The following VPS13D variants were observed in gnomAD, a reference collection of about 807,000 sequenced individuals.
VPS13D encodes the protein vacuolar protein sorting 13 homolog D.
Under a neutral mutation model 461.9 loss-of-function variants are expected in VPS13D, and 187 were observed. The observed-to-expected ratio is 0.40, with a 90% CI of 0.36 to 0.46. VPS13D has a LOEUF of 0.46. Ranked by LOEUF, VPS13D falls within the 20% of genes least tolerant of loss-of-function variation. The pLI is 0.60. For synonymous variants in VPS13D, 1,951 were observed against 1,986.3 expected, an observed-to-expected ratio of 0.98 and a Z score of 0.47; for missense variants, 4,711 against 5,364.9, an observed-to-expected ratio of 0.88 and a Z score of 3.81.
rs1309660154 is a variant in VPS13D, at chr1:12,400,282, C to A, written c.11736C>A (p.Val3912=). The stretch of plus-strand genomic sequence containing the variant: ...TCGAGACCGGCCCAGCTGTGCAAGT[C>A]AACGCAGTGAAGTTCCCCAGTAAGA... ...EVIETGPAVQ[V]NAVKFPSKSA... is the part of the protein sequence containing the mutation. The change falls in exon 61 of 70, where the codon GTC becomes GTA. Residue 3912 remains valine (V), a synonymous_variant. Coordinates refer to ENST00000620676, the MANE Select transcript of VPS13D (RefSeq NM_015378.4). 1 of 1,614,134 alleles carries A rather than the reference C, an allele frequency of 6.2e-7. No individual in the cohort carries two copies. Among genetic ancestry groups the A allele is most frequent in the Admixed American group, 1.7e-5 (1 of 60,016 alleles).
chr1:12,496,889 A>G (rs1380122765), intron 67 of VPS13D, among the ~76,000 whole-genome samples: 1 of 152,192 alleles, frequency 6.6e-6, no homozygotes, highest in Non-Finnish European at 1.5e-5. Context: ...GTCCAGGTCC[A>G]GGTCCAGGTC....
intron 1 of VPS13D, among the ~76,000 whole-genome samples, chr1:12,233,818 C>A (rs545719939): frequency 6.6e-6 from 1 of 152,028 alleles, no homozygotes; most frequent in South Asian, 2.1e-4. Flanking sequence ...GTGGCTGAGG[C>A]GGGTGGATCA....
intron 65 of VPS13D, among the ~76,000 whole-genome samples, chr1:12,451,657 T>C (rs2100382331): frequency 6.6e-6 from 1 of 152,340 alleles, no homozygotes; most frequent in African/African-American, 2.4e-5. Context: ...ACCTTCCAGT[T>C]GCTAGTCGCT....
intron 67 of VPS13D, among the ~76,000 whole-genome samples, chr1:12,477,637 A>C (rs2100471154): frequency 6.6e-6 from 1 of 152,322 alleles, no homozygotes; most frequent in East Asian, 1.9e-4. Context: ...TAATGAGAAC[A>C]CATGGATAGA....
rs1211842772 is a variant in VPS13D at position 12,277,534 on chromosome 1, G to A, written c.3946G>A (p.Gly1316Ser). Residue 1316 changes from glycine (G) to serine (S), a missense_variant, in exon 19 of 70, where the codon GGT (glycine) becomes AGT (serine). By Grantham distance (56) the Gly-to-Ser change is moderately conservative. Coordinates refer to ENST00000620676, the MANE Select transcript of VPS13D (RefSeq NM_015378.4). ...GGATGAACTGGAAGAAAATTTTCGA[G>A]GTATGCTGAAAAGCGCAGCCACCAA... is the stretch of plus-strand genomic sequence containing the variant. ...SMDELEENFR[G>S]MLKSAATKVT... 4 of 1,613,898 alleles carry A rather than the reference G, an allele frequency of 2.5e-6. No individual in the cohort carries two copies. The Admixed American group carries it at 5.0e-5, about 20-fold the overall frequency.
At position 12,249,270 on chromosome 1, in the gene VPS13D, T is replaced by A; in HGVS notation, c.495T>A (p.Asn165Lys). Residue 165 changes from asparagine (N) to lysine (K), a missense_variant, in exon 6 of 70, where the codon AAT (asparagine) becomes AAA (lysine). This residue lies in a region of VPS13D where 4,411 missense variants were observed against 4,937.8 expected (regional missense o/e 0.89). Coordinates refer to ENST00000620676, the MANE Select transcript of VPS13D (RefSeq NM_015378.4). ...VHLRFEDGVT[N>K]PSHPFAFGIC... ...TACGCTTTGAAGATGGTGTCACCAA[T>A]CCCTCCCATCCTTTTGCTTTTGGCA... The A allele has an allele frequency of 6.2e-7, 1 of 1,613,996 alleles. No homozygotes were observed. Among genetic ancestry groups the A allele is most frequent in the Non-Finnish European group, 8.5e-7 (1 of 1,179,982 alleles).
In VPS13D at chr1:12,260,502, T is replaced by C. The variant is rs576349483; in HGVS notation, c.1111-191T>C. 3.5e-4 allele frequency among the ~76,000 whole-genome samples: 53 copies of C among 152,328 alleles called. No homozygotes were observed. In the Middle Eastern group the frequency reaches 0.014, roughly 39 times the overall value. On this transcript the variant is annotated intron_variant, in intron 10 of 69. Coordinates refer to ENST00000620676, the MANE Select transcript of VPS13D (RefSeq NM_015378.4). The stretch of plus-strand genomic sequence containing the variant: ...AGACCAAATAACATCTACTGGATTA[T>C]ATGGAAAAGCTACTTAAGCCAGAAA...
chr1:12,476,563 T>A (rs182117909), intron 67 of VPS13D, among the ~76,000 whole-genome samples: 1 of 152,376 alleles, frequency 6.6e-6, no homozygotes, highest in Admixed American at 6.5e-5. Flanking sequence ...GACTAAAGAC[T>A]TAATTGAACC....
chr1:12,380,089 A>G (rs1479319711), intron 57 of VPS13D, among the ~76,000 whole-genome samples: 1 of 152,156 alleles, frequency 6.6e-6, no homozygotes, highest in East Asian at 1.9e-4. Context: ...GTATGTTTAC[A>G]TGGGAAAAGT....
chr1:12,425,951 A>C (rs1644920244), intron 65 of VPS13D, among the ~76,000 whole-genome samples: 1 of 152,260 alleles, frequency 6.6e-6, no homozygotes, highest in African/African-American at 2.4e-5. Flanking sequence ...GTTGGAAACA[A>C]CATTACTTAA....
chr1:12,286,992 C>G (rs538693752), intron 21 of VPS13D, among the ~76,000 whole-genome samples: 19 of 152,312 alleles, frequency 1.2e-4, no homozygotes, highest in Admixed American at 1.2e-3. Flanking sequence ...TTCCAAATAG[C>G]TGGAATTACA....
At chr1:12,286,924 G>A (rs987376618) in intron 21 of VPS13D, among the ~76,000 whole-genome samples, 3 of 152,240 alleles carry the variant, frequency 2.0e-5, no homozygotes, top group East Asian at 1.9e-4. Context: ...GCAGTGGTGC[G>A]ATCTTGGCCC....
At chr1:12,241,054 C>T (rs1163127553) in intron 2 of VPS13D, among the ~76,000 whole-genome samples, 1 of 152,092 alleles carries the variant, frequency 6.6e-6, no homozygotes, top group African/African-American at 2.4e-5. Context: ...GATCCTCCTG[C>T]CTCAGCCTCC....
intron 68 of VPS13D, among the ~76,000 whole-genome samples, chr1:12,504,197 A>T (rs1335011011): frequency 6.6e-6 from 1 of 152,142 alleles, no homozygotes; most frequent in African/African-American, 2.4e-5. Flanking sequence ...TGATGATGCA[A>T]CCCAAAGCCC....
Position 12,276,701 on chromosome 1 carries a change from G to T in VPS13D, c.3113G>T (p.Ser1038Ile). ...ATTCCAACGGGAAGCCTTCGGGATAGCAGGGCCCAGTCTCCTGTCTCTGGA... is the reference window on the plus strand; with the variant it reads ...ATTCCAACGGGAAGCCTTCGGGATATCAGGGCCCAGTCTCCTGTCTCTGGA... The part of the protein sequence containing the change: ...FDIPTGSLRD[S>I]RAQSPVSGPN... Residue 1038 changes from serine to isoleucine, a missense_variant, in exon 19 of 70, where the codon AGC (serine) becomes ATC (isoleucine). Physicochemically the swap from Ser to Ile is moderately radical, Grantham distance 142 (BLOSUM62 -2). Coordinates refer to ENST00000620676, the MANE Select transcript of VPS13D (RefSeq NM_015378.4). This position sits in a 1 kb window ranked among gnomAD's most constrained non-coding sequence, Gnocchi z 4.5. 6.2e-7 allele frequency: 1 copy of T among 1,614,112 alleles called. No individual in the cohort carries two copies. Among genetic ancestry groups the T allele is most frequent in the Non-Finnish European group, 8.5e-7 (1 of 1,180,034 alleles).
intron 65 of VPS13D, among the ~76,000 whole-genome samples, chr1:12,430,512 G>A (rs1269847422): frequency 6.6e-6 from 1 of 152,230 alleles, no homozygotes; most frequent in Non-Finnish European, 1.5e-5. Context: ...AGTGGGGCCA[G>A]CAGGTTAGGT....
intron 39 of VPS13D, chr1:12,337,469 T>A (rs1369886429): frequency 6.6e-6 from 1 of 152,218 alleles, no homozygotes; most frequent in Non-Finnish European, 1.5e-5. Flanking sequence ...AAACAAGCTC[T>A]TGGGAATAGC....
chr1:12,319,439 A>G, intron 31 of VPS13D, 58 bp from the exon 32 acceptor site: 1 of 1,604,626 alleles, frequency 6.2e-7, no homozygotes, highest in Non-Finnish European at 8.5e-7. Context: ...TGTTTGCAAC[A>G]GCCTGGTGTT....
chr1:12,321,652 TG>T (rs1279516121), intron 32 of VPS13D, among the ~76,000 whole-genome samples, 156 bp from the exon 33 acceptor site: 1 of 152,114 alleles, frequency 6.6e-6, no homozygotes, highest in African/African-American at 2.4e-5. Context: ...TCGGCAGCGG[TG>T]GGGGGCTTCA....
Sources: allele counts gnomAD v4.1 joint callset (sites outside exome capture counted in the v4.1 genomes callset), GRCh38; gene constraint gnomAD v4.1.1; regional missense constraint gnomAD v4.1.1; non-coding constraint Gnocchi (gnomAD v3.1); transcripts MANE v1.5; gene names NCBI Gene and HGNC (gene_info 2026-07-23, HGNC 2026-07-21).